Variants in ST3GAL3 observed in about 807,000 individuals in gnomAD.
ST3GAL3 encodes the protein ST3 beta-galactoside alpha-2,3-sialyltransferase 3.
A neutral mutation model predicts 50.1 loss-of-function variants in ST3GAL3; 21 were observed. That is an observed-to-expected ratio of 0.42 (90% CI 0.30 to 0.60). The LOEUF is 0.60. Ranked by LOEUF, ST3GAL3 falls within the 20% of genes least tolerant of loss-of-function variation. ST3GAL3 has a pLI of 0.19. For missense variants in ST3GAL3, 353 were observed against 489.4 expected (o/e 0.72, Z 2.63); for synonymous variants, 183 against 190.0 (o/e 0.96, Z 0.30).
chr1:43,717,399 A>T (rs906240989), intron 1 of ST3GAL3, among the ~76,000 whole-genome samples: 1 of 152,220 alleles, frequency 6.6e-6, no homozygotes, highest in Non-Finnish European at 1.5e-5. Flanking sequence ...TGAGCAGATA[A>T]ACAATATGGA....
At chr1:43,879,236 G>C in intron 5 of ST3GAL3, 1 of 455,534 alleles carries the variant, frequency 2.2e-6, no homozygotes, top group South Asian at 1.6e-5. Context: ...CAGAAGGCCA[G>C]TATGCTGTAA....
chr1:43,842,672 G>A (rs2065588659), intron 5 of ST3GAL3: 1 of 151,910 alleles, frequency 6.6e-6, no homozygotes, highest in South Asian at 2.1e-4. Flanking sequence ...TGGGCGTGGT[G>A]GTGTACACCT....
chr1:43,905,384 TTCC>T (rs1309562035), intron 9 of ST3GAL3, among the ~76,000 whole-genome samples: 4 of 75,818 alleles, frequency 5.3e-5, no homozygotes, highest in East Asian at 4.7e-4. Flanking sequence ...CCCACCACTC[TTCC>T]TCCCCCTCCC....
intron 2 of ST3GAL3, among the ~76,000 whole-genome samples, chr1:43,745,383 G>T (rs889730467): frequency 6.6e-6 from 1 of 152,116 alleles, no homozygotes; most frequent in African/African-American, 2.4e-5. Context: ...AGTGAGAAAA[G>T]GAAAGGGTAA....
intron 4 of ST3GAL3, among the ~76,000 whole-genome samples, chr1:43,820,326 G>A (rs989118845): frequency 2.6e-5 from 4 of 152,164 alleles, no homozygotes; most frequent in African/African-American, 9.7e-5. Context: ...AGATTTAAAT[G>A]TAAGACCTCA....
At chr1:43,724,206 A>G (rs1045390152) in intron 1 of ST3GAL3, among the ~76,000 whole-genome samples, 1 of 151,528 alleles carries the variant, frequency 6.6e-6, no homozygotes. Context: ...AATATATTTT[A>G]TTTATTTATT....
At chr1:43,794,852 A>C (rs1045247304) in intron 3 of ST3GAL3, among the ~76,000 whole-genome samples, 3 of 152,216 alleles carry the variant, frequency 2.0e-5, no homozygotes, top group Admixed American at 6.5e-5. Context: ...TAAAAAGTTC[A>C]AAAACAAATG....
At chr1:43,849,219 G>T (rs1322103431) in intron 5 of ST3GAL3, among the ~76,000 whole-genome samples, 1 of 150,346 alleles carries the variant, frequency 6.7e-6, no homozygotes, top group Non-Finnish European at 1.5e-5. Context: ...TGTTAGGAAT[G>T]AGGTTGAGAT....
At position 43,763,205 on chromosome 1, in the gene ST3GAL3, C is replaced by T. The variant is rs1691213782; in HGVS notation, c.118+26825C>T. Among the ~76,000 whole-genome samples, 3 of 152,268 alleles carry T rather than the reference C, an allele frequency of 2.0e-5. No homozygotes were observed. In the East Asian group the frequency reaches 5.8e-4, roughly 29 times the overall value. The stretch of plus-strand genomic sequence containing the variant: ...GTTCCCCCATCCGGTGAGTACTCTG[C>T]ACCTGAAGATGAGGAGGCTCTGTAT... On this transcript the variant is annotated intron_variant, in intron 2 of 11. Transcript: ENST00000347631.
intron 11 of ST3GAL3, 177 bp from the exon 12 acceptor site, chr1:43,929,955 G>C (rs2084774818): frequency 2.7e-6 from 2 of 753,746 alleles, no homozygotes; most frequent in East Asian, 4.9e-5. Flanking sequence ...ATGAGCTGTG[G>C]CACTCCTAGA....
At chr1:43,923,697 C>T (rs2083439919) in intron 11 of ST3GAL3, among the ~76,000 whole-genome samples, 2 of 152,046 alleles carry the variant, frequency 1.3e-5, no homozygotes, top group African/African-American at 4.8e-5. Flanking sequence ...CTCACTGTAG[C>T]CATAAACCCC....
chr1:43,796,299 G>C (rs2058678308), intron 3 of ST3GAL3, among the ~76,000 whole-genome samples: 1 of 152,216 alleles, frequency 6.6e-6, no homozygotes, highest in Non-Finnish European at 1.5e-5. Context: ...TTTCTGGCCA[G>C]AGGCCCAGGA....
intron 3 of ST3GAL3, among the ~76,000 whole-genome samples, chr1:43,808,348 A>T (rs2060151922): frequency 6.6e-6 from 1 of 150,486 alleles, no homozygotes; most frequent in African/African-American, 2.4e-5. Flanking sequence ...AAGGCTGAGC[A>T]GGAATGAGAG....
At chr1:43,801,323 A>G (rs1254427049) in intron 3 of ST3GAL3, 2 of 456,302 alleles carry the variant, frequency 4.4e-6, no homozygotes, top group South Asian at 3.1e-5. Flanking sequence ...GTTCATTACA[A>G]TGAAAAAAGG....
At chr1:43,803,676 T>C (rs2059569936) in intron 3 of ST3GAL3, among the ~76,000 whole-genome samples, 1 of 152,240 alleles carries the variant, frequency 6.6e-6, no homozygotes, top group Non-Finnish European at 1.5e-5. Context: ...TGTTCCAGTG[T>C]TCATCCAACA....
At chr1:43,893,934 C>T (rs766920862) in intron 5 of ST3GAL3, among the ~76,000 whole-genome samples, 1 of 152,210 alleles carries the variant, frequency 6.6e-6, no homozygotes, top group Non-Finnish European at 1.5e-5. Flanking sequence ...GGGTGGTCCA[C>T]TTCCCAGAAT....
chr1:43,865,313 C>G (rs941346107), intron 5 of ST3GAL3, among the ~76,000 whole-genome samples: 1 of 152,092 alleles, frequency 6.6e-6, no homozygotes, highest in African/African-American at 2.4e-5. Flanking sequence ...CCACCATGCC[C>G]GGTCATAACA....
chr1:43,754,406 G>T (rs964991367), intron 2 of ST3GAL3, among the ~76,000 whole-genome samples: 1 of 152,108 alleles, frequency 6.6e-6, no homozygotes, highest in Non-Finnish European at 1.5e-5. Flanking sequence ...TAGCCAGGCT[G>T]GTCTCTAACT....
At chr1:43,837,618 G>A (rs1016186424) in intron 4 of ST3GAL3, among the ~76,000 whole-genome samples, 6 of 152,292 alleles carry the variant, frequency 3.9e-5, no homozygotes, top group African/African-American at 7.2e-5. Context: ...CCACTCCCCC[G>A]GGTATTGGAG....
Sources: allele counts gnomAD v4.1 joint callset (sites outside exome capture counted in the v4.1 genomes callset), GRCh38; gene constraint gnomAD v4.1.1; transcripts MANE v1.5; gene names NCBI Gene and HGNC (gene_info 2026-07-23, HGNC 2026-07-21).